BRI3BP: variants seen among roughly 807,000 people sequenced by gnomAD.
BRI3BP encodes BRI3 binding protein.
BRI3BP carries 7 observed loss-of-function variants against 15.8 expected under a neutral mutation model. The ratio of observed to expected loss-of-function variants is 0.44; its 90% CI spans 0.25 to 0.83. The LOEUF (loss-of-function observed/expected upper bound fraction) is 0.83, where lower values mean the gene tolerates loss of function less well. Ranked by LOEUF, BRI3BP falls within the 40% of genes least tolerant of loss-of-function variation. The probability of loss-of-function intolerance (pLI) is 0.20; values close to 1 mark genes in which losing one functional copy is unlikely to be tolerated. For missense variants in BRI3BP, 320 were observed against 339.3 expected (o/e 0.94, Z 0.45); for synonymous variants, 192 against 163.5 (o/e 1.17, Z -1.33).
chr12:125,026,199 C>G lies in BRI3BP; in HGVS notation c.*769C>G, dbSNP rs1329446675. 6.6e-6 allele frequency: 1 copy of G among 152,120 alleles called. No individual in the cohort carries two copies. Among genetic ancestry groups the G allele is most frequent in the East Asian group, 1.9e-4 (1 of 5,200 alleles). 9.4% of individuals were successfully genotyped at this position (152,120 alleles called of 1,614,324 possible). A position where few individuals can be genotyped will look rare whatever the true frequency, so the allele number is the denominator to read the frequency against. ...AATGCAAGGAGGGGCCAAGAAATGT[C>G]CTGGGGATTTGATGCCAGGAAGTAC... On this transcript the variant is annotated 3_prime_UTR_variant, in exon 3 of 3. Coordinates refer to ENST00000341446, the MANE Select transcript of BRI3BP (RefSeq NM_080626.6).
intron 1 of BRI3BP, among the ~76,000 whole-genome samples, chr12:124,998,713 C>T (rs949991398): frequency 1.3e-5 from 2 of 152,114 alleles, no homozygotes; most frequent in Non-Finnish European, 2.9e-5. Flanking sequence ...TGTGAACGTG[C>T]TCATGCCACT....
the BRI3BP span, among the ~76,000 whole-genome samples, chr12:125,036,493 A>G: frequency 6.4e-4 from 98 of 152,044 alleles, no homozygotes; most frequent in African/African-American, 2.1e-3. Context: ...GGTGGCTTCA[A>G]TGTAGATAAT....
chr12:125,028,071 A>G lies in BRI3BP; in HGVS notation c.*2641A>G, dbSNP rs1955372530. ...AGTTTTGTCATTTAGATACTTGTAG[A>G]TGAATCTATTTTAGCACAAGGTATA... On this transcript the variant is annotated 3_prime_UTR_variant, in exon 3 of 3. Coordinates refer to ENST00000341446, the MANE Select transcript of BRI3BP (RefSeq NM_080626.6). 1.3e-5 allele frequency: 2 copies of G among 152,222 alleles called. No individual in the cohort carries two copies. The highest frequency in any genetic ancestry group is 4.1e-4 in the South Asian group (2 of 4,834). 9.4% of individuals were successfully genotyped at this position (152,222 alleles called of 1,614,324 possible). A position where few individuals can be genotyped will look rare whatever the true frequency, so the allele number is the denominator to read the frequency against.
the BRI3BP span, among the ~76,000 whole-genome samples, chr12:125,040,303 AT>A: frequency 1.7e-4 from 26 of 149,058 alleles, no homozygotes; most frequent in African/African-American, 5.2e-4. Flanking sequence ...CATTAACACT[AT>A]TTTTTTTTGT....
intron 2 of BRI3BP, among the ~76,000 whole-genome samples, chr12:125,016,000 T>A (rs1220384495): frequency 4.6e-5 from 7 of 152,118 alleles, no homozygotes; most frequent in Admixed American, 1.3e-4. Context: ...CAAACCTGAT[T>A]GCAGAAAATC....
At chr12:124,994,359 A>C (rs1261246321) in intron 1 of BRI3BP, among the ~76,000 whole-genome samples, 1 of 152,048 alleles carries the variant, frequency 6.6e-6, no homozygotes, top group African/African-American at 2.4e-5. Flanking sequence ...CAGGCAGCAC[A>C]CTGGCGCTCT....
At chr12:125,034,654 A>G (rs1393941340), downstream of BRI3BP, among the ~76,000 whole-genome samples, 6 of 151,924 alleles carry the variant, frequency 3.9e-5, no homozygotes, top group Admixed American at 3.9e-4. Context: ...CAGTGGCGCA[A>G]TCTTGGCTCA....
chr12:125,025,136 C>A lies in BRI3BP; in HGVS notation c.462C>A (p.Phe154Leu), dbSNP rs1337873644. 1.2e-6 allele frequency: 2 copies of A among 1,613,954 alleles called. No homozygotes were observed. The highest frequency in any genetic ancestry group is 1.7e-5 in the Admixed American group (1 of 59,990). The change falls in exon 3 of 3, where the codon TTC (phenylalanine) becomes TTA (leucine). Residue 154 changes from phenylalanine (F) to leucine (L), a missense_variant. Phe to Leu is a conservative substitution (Grantham distance 22). Coordinates refer to ENST00000341446, the MANE Select transcript of BRI3BP (RefSeq NM_080626.6). ...CTTTCAGCGTCCTGCACGTGGTGTT[C>A]GGCCGCTTCTTCTGGATCGTGCGGG... ...GFTFSVLHVV[F>L]GRFFWIVRVV...
intron 1 of BRI3BP, among the ~76,000 whole-genome samples, chr12:125,004,003 A>AC (rs1955121526): frequency 1.5e-5 from 2 of 129,698 alleles, no homozygotes; most frequent in Non-Finnish European, 1.7e-5. Flanking sequence ...ACACACACAC[A>AC]ACACACAATA....
At chr12:125,040,012 C>T in the BRI3BP span, among the ~76,000 whole-genome samples, 2 of 152,062 alleles carry the variant, frequency 1.3e-5, no homozygotes, top group Non-Finnish European at 2.9e-5. Flanking sequence ...GCCTATAATC[C>T]CAGCACTTTG....
chr12:124,998,523 G>T (rs1955058463), intron 1 of BRI3BP, among the ~76,000 whole-genome samples: 1 of 152,134 alleles, frequency 6.6e-6, no homozygotes, highest in Admixed American at 6.6e-5. Flanking sequence ...CACATTATAT[G>T]ATTCCATTTA....
chr12:125,021,013 T>A (rs1955294311), intron 2 of BRI3BP, among the ~76,000 whole-genome samples: 1 of 152,344 alleles, frequency 6.6e-6, no homozygotes, highest in South Asian at 2.1e-4. Context: ...GACGCTTCAA[T>A]AATACTGAAG....
intron 1 of BRI3BP, among the ~76,000 whole-genome samples, chr12:125,002,134 A>G (rs1955097207): frequency 6.6e-6 from 1 of 152,058 alleles, no homozygotes; most frequent in Admixed American, 6.6e-5. Context: ...GGTTTATGTC[A>G]CTTTTTGTCT....
At chr12:125,005,620 A>T (rs1464995921) in intron 1 of BRI3BP, among the ~76,000 whole-genome samples, 1 of 151,932 alleles carries the variant, frequency 6.6e-6, no homozygotes, top group East Asian at 1.9e-4. Context: ...AAATACAAAA[A>T]ATTAGCCAGA....
At chr12:125,037,070 G>T in the BRI3BP span, among the ~76,000 whole-genome samples, 1 of 152,176 alleles carries the variant, frequency 6.6e-6, no homozygotes, top group South Asian at 2.1e-4. Context: ...GCTTTGTTTT[G>T]TTTTTGGAGA....
chr12:125,020,425 T>A (rs1955286889), intron 2 of BRI3BP, among the ~76,000 whole-genome samples: 1 of 152,190 alleles, frequency 6.6e-6, no homozygotes, highest in East Asian at 1.9e-4. Flanking sequence ...TCATGGGGGC[T>A]CCACCCCTAC....
rs1491505744 is a variant in BRI3BP, at chr12:125,024,259, C to CCG, written c.317-731_317-730insGC. Among the ~76,000 whole-genome samples, 5 of 22,744 alleles carry CCG rather than the reference C, an allele frequency of 2.2e-4. No individual in the cohort carries two copies. The Admixed American group carries it at 2.5e-3, about 12-fold the overall frequency. 14.9% of individuals were successfully genotyped at this position (22,744 alleles called of 152,430 possible). On this transcript the variant is annotated intron_variant, in intron 2 of 2. Transcript: ENST00000341446. ...ACTTAAACCATCAGATCTCATGAAA[C>CCG]CCCCCCCCCTCCACTGTCACAAGAA...
At chr12:125,034,720 G>A (rs1955430609), downstream of BRI3BP, among the ~76,000 whole-genome samples, 1 of 152,048 alleles carries the variant, frequency 6.6e-6, no homozygotes, top group Non-Finnish European at 1.5e-5. Context: ...CTCCCAAGTA[G>A]CTGGGACTAC....
intron 1 of BRI3BP, among the ~76,000 whole-genome samples, chr12:124,997,214 C>CTCTTTTTTTT (rs1335395514): frequency 3.9e-5 from 2 of 51,550 alleles, no homozygotes; most frequent in Non-Finnish European, 6.4e-5. Context: ...CTTTACTTCT[C>CTCTTTTTTTT]TTTTTTTTTT....
Sources: gnomAD v4.1 joint callset for allele counts (sites outside exome capture counted in the v4.1 genomes callset) on GRCh38, gnomAD v4.1.1 for gene constraint, MANE v1.5 for transcripts, NCBI Gene and HGNC (gene_info 2026-07-23, HGNC 2026-07-21) for gene names.